The following NSMCE2 variants were observed in gnomAD, a reference collection of about 807,000 sequenced individuals.
NSMCE2 encodes the protein NSE2 SUMO ligase component of SMC5/6 complex, also known as E3 SUMO-protein ligase NSE2.
NSMCE2 carries 24 observed loss-of-function variants against 23.8 expected under a neutral mutation model. The ratio of observed to expected loss-of-function variants is 1.01; its 90% CI spans 0.73 to 1.42. The LOEUF (loss-of-function observed/expected upper bound fraction) is 1.42. Ranked by LOEUF, NSMCE2 falls within the 40% of genes most tolerant of loss-of-function variation. The pLI, the probability that NSMCE2 is intolerant of heterozygous loss-of-function variation, is 0.00. For synonymous variants in NSMCE2, 92 were observed against 94.1 expected (o/e 0.98, Z 0.13); for missense variants, 284 against 296.5 (o/e 0.96, Z 0.31).
intron 5 of NSMCE2, among the ~76,000 whole-genome samples, chr8:125,347,208 AG>A (rs757696053): frequency 9.2e-5 from 14 of 152,352 alleles, no homozygotes; most frequent in East Asian, 7.7e-4. Context: ...AGAAAGATGG[AG>A]TAATTTGCCC....
At chr8:125,183,142 A>C (rs1046499316) in intron 5 of NSMCE2, among the ~76,000 whole-genome samples, 13 of 152,204 alleles carry the variant, frequency 8.5e-5, no homozygotes, top group Non-Finnish European at 7.3e-5. Context: ...GTGTTGTATG[A>C]TATGAGACAT....
intron 5 of NSMCE2, among the ~76,000 whole-genome samples, chr8:125,271,084 A>G (rs1827166871): frequency 6.6e-6 from 1 of 151,762 alleles, no homozygotes; most frequent in African/African-American, 2.4e-5. Flanking sequence ...ACATAGTGAG[A>G]CCCCGTTTCT....
At chr8:125,153,210 C>T (rs961020253) in intron 4 of NSMCE2, among the ~76,000 whole-genome samples, 6 of 152,092 alleles carry the variant, frequency 3.9e-5, no homozygotes, top group Admixed American at 2.0e-4. Flanking sequence ...TCATTATCCT[C>T]GAACAGGGAA....
At chr8:125,194,347 G>C (rs538124774) in intron 5 of NSMCE2, among the ~76,000 whole-genome samples, 2 of 152,318 alleles carry the variant, frequency 1.3e-5, no homozygotes, top group African/African-American at 4.8e-5. Context: ...GAATTGTACA[G>C]TGTGTAGCCT....
chr8:125,092,894 G>A (rs985518088), intron 1 of NSMCE2, among the ~76,000 whole-genome samples: 1 of 152,184 alleles, frequency 6.6e-6, no homozygotes, highest in African/African-American at 2.4e-5. Context: ...ATTTTTTGCT[G>A]TGGGGTCAGG....
At chr8:125,315,789 G>C (rs1258353469) in intron 5 of NSMCE2, among the ~76,000 whole-genome samples, 1 of 133,680 alleles carries the variant, frequency 7.5e-6, no homozygotes, top group Non-Finnish European at 1.7e-5. Flanking sequence ...ATTTTCCTTT[G>C]TTGGTACCCT....
intron 5 of NSMCE2, among the ~76,000 whole-genome samples, chr8:125,281,994 A>G (rs916374753): frequency 3.2e-4 from 48 of 152,312 alleles, no homozygotes; most frequent in Non-Finnish European, 5.9e-4. Context: ...GGAGGGAAGG[A>G]AATGGATAAA....
intron 5 of NSMCE2, among the ~76,000 whole-genome samples, chr8:125,189,946 T>C (rs781269685): frequency 9.2e-5 from 14 of 152,230 alleles, no homozygotes; most frequent in Admixed American, 2.0e-4. Context: ...CTGGCTCTTC[T>C]ATGGTTTTAC....
chr8:125,164,377 G>A (rs1821769744), intron 4 of NSMCE2, among the ~76,000 whole-genome samples: 1 of 152,208 alleles, frequency 6.6e-6, no homozygotes, highest in African/African-American at 2.4e-5. Flanking sequence ...CAAGATGGAT[G>A]CTATTCATTG....
At position 125,324,300 on chromosome 8, in the gene NSMCE2, G is replaced by A. The variant is rs556499179; in HGVS notation, c.419-32919G>A. On this transcript the variant is annotated intron_variant, in intron 5 of 7. Coordinates refer to ENST00000287437, the MANE Select transcript of NSMCE2 (RefSeq NM_173685.4). ...ATATATGACCTAGGCATCCCACTTC[G>A]AGATATTTATTCAAGACCATTGGAA... 2.0e-4 allele frequency among the ~76,000 whole-genome samples: 30 copies of A among 152,104 alleles called. No homozygotes were observed. In the South Asian group the frequency reaches 5.6e-3, roughly 28 times the overall value.
intron 5 of NSMCE2, among the ~76,000 whole-genome samples, chr8:125,316,722 CTTTCCTTCTT>C (rs1563780222): frequency 2.1e-4 from 9 of 41,970 alleles, no homozygotes; most frequent in Non-Finnish European, 4.1e-4. Flanking sequence ...TTCCTTCTTT[CTTTCCTTCTT>C]TTCCTTCCTT....
In NSMCE2 at chr8:125,102,459, T is replaced by G. The variant is rs1173808320; in HGVS notation, c.129T>G (p.Ser43Arg). ...CINSGMDTAS[S>R]VALDLVESQT... ...ACTCTGGTATGGACACAGCTTCTAG[T>G]GTTGCTTTGGATCTTGTGGAAAGTC... The change falls in exon 3 of 8, where the codon AGT becomes AGG. Residue 43 changes from serine to arginine, a missense_variant. Ser to Arg is a moderately radical substitution (Grantham distance 110, BLOSUM62 -1). Around this residue, in one of 2 missense-constraint regions of NSMCE2, gnomAD observed 182 missense variants for 155.5 expected, o/e 1.17. Coordinates refer to ENST00000287437, the MANE Select transcript of NSMCE2 (RefSeq NM_173685.4). 1 of 1,613,854 alleles carries G rather than the reference T, an allele frequency of 6.2e-7. No individual in the cohort carries two copies. The highest frequency in any genetic ancestry group is 8.5e-7 in the Non-Finnish European group (1 of 1,179,900).
At chr8:125,231,263 G>T (rs945993467) in intron 5 of NSMCE2, among the ~76,000 whole-genome samples, 5 of 152,196 alleles carry the variant, frequency 3.3e-5, no homozygotes, top group Non-Finnish European at 7.3e-5. Flanking sequence ...ACATAATGAG[G>T]ATTCAGTAGA....
chr8:125,187,658 T>C (rs1025896938), intron 5 of NSMCE2, among the ~76,000 whole-genome samples: 36 of 152,160 alleles, frequency 2.4e-4, no homozygotes, highest in African/African-American at 7.7e-4. Flanking sequence ...CTGTAGATTT[T>C]AGTGTACATC....
chr8:125,288,199 C>G (rs1392743060), intron 5 of NSMCE2, among the ~76,000 whole-genome samples: 2 of 152,130 alleles, frequency 1.3e-5, no homozygotes, highest in African/African-American at 4.8e-5. Flanking sequence ...CATTTATTAT[C>G]ACGGCTGCAG....
intron 3 of NSMCE2, among the ~76,000 whole-genome samples, chr8:125,120,193 G>C (rs1399956878): frequency 6.6e-6 from 1 of 152,082 alleles, no homozygotes; most frequent in African/African-American, 2.4e-5. Flanking sequence ...GTGAAAAGTG[G>C]GTACTGTATT....
intron 5 of NSMCE2, among the ~76,000 whole-genome samples, chr8:125,240,018 G>A (rs188194510): frequency 6.6e-6 from 1 of 152,186 alleles, no homozygotes; most frequent in East Asian, 1.9e-4. Context: ...GAGGGTCAGG[G>A]TCTAAACAGA....
intron 4 of NSMCE2, among the ~76,000 whole-genome samples, chr8:125,169,670 G>A (rs1822074848): frequency 6.6e-6 from 1 of 151,998 alleles, no homozygotes; most frequent in Non-Finnish European, 1.5e-5. Flanking sequence ...GCACACAGTT[G>A]CTGTCTTCTC....
At chr8:125,140,057 T>A (rs76320522) in intron 3 of NSMCE2, among the ~76,000 whole-genome samples, 1,940 of 152,354 alleles carry the variant, frequency 0.013, 36 homozygotes, top group African/African-American at 0.045. Context: ...CCCAAGAACC[T>A]CACAGCAATG....
Sources: allele counts gnomAD v4.1 joint callset (sites outside exome capture counted in the v4.1 genomes callset), GRCh38; gene constraint gnomAD v4.1.1; regional missense constraint gnomAD v4.1.1; transcripts MANE v1.5; gene names NCBI Gene and HGNC (gene_info 2026-07-23, HGNC 2026-07-21).